MLIP: variants seen among roughly 807,000 people sequenced by gnomAD.
MLIP encodes the protein muscular LMNA-interacting protein.
In MLIP, 79 loss-of-function variants were observed where a neutral mutation model predicts 84.8. The ratio of observed to expected loss-of-function variants is 0.93; its 90% CI spans 0.78 to 1.12. MLIP has a LOEUF of 1.12. Among genes scored for constraint, MLIP ranks in the 50% most tolerant of loss-of-function variants. The pLI, the probability that MLIP is intolerant of heterozygous loss-of-function variation, is 0.00. For synonymous variants in MLIP, 504 were observed against 463.0 expected, an observed-to-expected ratio of 1.09 and a Z score of -1.14; for missense variants, 1,257 against 1,160.6, an observed-to-expected ratio of 1.08 and a Z score of -1.21.
At chr6:54,259,353 G>A (rs948041853) in intron 13 of MLIP, among the ~76,000 whole-genome samples, 1 of 151,782 alleles carries the variant, frequency 6.6e-6, no homozygotes, top group Non-Finnish European at 1.5e-5. Flanking sequence ...ATAAAAAATA[G>A]GAAACTTTGT....
At chr6:54,203,976 C>G (rs1251683002) in intron 11 of MLIP, among the ~76,000 whole-genome samples, 1 of 152,202 alleles carries the variant, frequency 6.6e-6, no homozygotes, top group Non-Finnish European at 1.5e-5. Context: ...TACTTAAAAT[C>G]TATGATTAAC....
rs565233166 is a variant in MLIP, at chr6:54,122,701, C to A, written c.252+1099C>A. The stretch of plus-strand genomic sequence containing the variant: ...GCACTTCTAGATAGTTTCTTTCCTA[C>A]AGCACTCATTTACATAATATTAATG... On this transcript the variant is annotated intron_variant, in intron 2 of 13. Coordinates refer to ENST00000502396, the MANE Select transcript of MLIP (RefSeq NM_001281747.2). 1.2e-4 allele frequency among the ~76,000 whole-genome samples: 19 copies of A among 152,264 alleles called. No individual in the cohort carries two copies. The South Asian group carries it at 3.7e-3, about 30-fold the overall frequency.
At chr6:54,061,082 C>G (rs1765938865) in intron 1 of MLIP, among the ~76,000 whole-genome samples, 1 of 151,422 alleles carries the variant, frequency 6.6e-6, no homozygotes, top group South Asian at 2.1e-4. Flanking sequence ...TACAAAAACT[C>G]CAAAGGGGTT....
At chr6:54,182,208 C>G (rs1272136744) in intron 9 of MLIP, among the ~76,000 whole-genome samples, 5 of 152,162 alleles carry the variant, frequency 3.3e-5, no homozygotes, top group Non-Finnish European at 7.3e-5. Context: ...TGGGCAGTTC[C>G]CCTCTGTATA....
intron 1 of MLIP, among the ~76,000 whole-genome samples, chr6:54,035,543 A>T (rs9464016): frequency 6.6e-6 from 1 of 152,006 alleles, no homozygotes; most frequent in Admixed American, 6.6e-5. Context: ...GGAATTGTCA[A>T]ATTATTTTTC....
intron 1 of MLIP, among the ~76,000 whole-genome samples, chr6:54,112,066 A>G (rs1216599991): frequency 3.3e-5 from 5 of 152,230 alleles, no homozygotes; most frequent in Admixed American, 6.5e-5. Flanking sequence ...CTTTTATCTC[A>G]TATTTCTATG....
At chr6:54,087,113 C>T (rs999775330) in intron 1 of MLIP, among the ~76,000 whole-genome samples, 1 of 152,170 alleles carries the variant, frequency 6.6e-6, no homozygotes, top group Non-Finnish European at 1.5e-5. Flanking sequence ...CTAGCCAGTG[C>T]TCAGTCAAGA....
At chr6:54,037,945 T>C (rs528819600) in intron 1 of MLIP, among the ~76,000 whole-genome samples, 11 of 152,136 alleles carry the variant, frequency 7.2e-5, no homozygotes, top group South Asian at 4.1e-4. Context: ...CTACTGATGA[T>C]ATTTTTGTGA....
chr6:54,256,735 A>G (rs923167390), intron 12 of MLIP, among the ~76,000 whole-genome samples: 2 of 152,146 alleles, frequency 1.3e-5, no homozygotes, highest in African/African-American at 2.4e-5. Flanking sequence ...AAGTGTCTCT[A>G]TGATATAAAT....
In MLIP at chr6:54,172,719, GA is replaced by G. The variant is rs531032095; in HGVS notation, c.2544+3154del. Reference sequence around the variant, plus strand: ...ACTGACTTCTCTGGAAAAAAAAAAAGAAAAAAATAAACAAAGAAAATCAACT... The same window carrying G: ...ACTGACTTCTCTGGAAAAAAAAAAAGAAAAAATAAACAAAGAAAATCAACT... On this transcript the variant is annotated intron_variant, in intron 9 of 13. Coordinates refer to ENST00000502396, the MANE Select transcript of MLIP (RefSeq NM_001281747.2). 3.8e-4 allele frequency among the ~76,000 whole-genome samples: 57 copies of G among 149,696 alleles called. No homozygotes were observed. The East Asian group carries it at 4.1e-3, about 11-fold the overall frequency.
At chr6:54,037,222 A>G (rs1254164115) in intron 1 of MLIP, among the ~76,000 whole-genome samples, 3 of 151,950 alleles carry the variant, frequency 2.0e-5, no homozygotes, top group Non-Finnish European at 4.4e-5. Context: ...CAGTGTCTCT[A>G]CAACCCTAAG....
intron 11 of MLIP, among the ~76,000 whole-genome samples, chr6:54,210,188 C>G (rs1230037732): frequency 6.6e-6 from 1 of 152,286 alleles, no homozygotes; most frequent in African/African-American, 2.4e-5. Flanking sequence ...AGCTGCTTGT[C>G]TGCAGCAGGA....
intron 1 of MLIP, among the ~76,000 whole-genome samples, chr6:54,086,881 AT>A (rs1767530815): frequency 6.6e-6 from 1 of 152,126 alleles, no homozygotes; most frequent in Non-Finnish European, 1.5e-5. Flanking sequence ...TGTCCAACCT[AT>A]TGAAATCTAT....
chr6:54,219,912 ATTT>A (rs1780111621), intron 11 of MLIP, among the ~76,000 whole-genome samples: 1 of 152,278 alleles, frequency 6.6e-6, no homozygotes, highest in Non-Finnish European at 1.5e-5. Flanking sequence ...ACGATTTATC[ATTT>A]TTAACTATTT....
At position 54,078,723 on chromosome 6, in the gene MLIP, C is replaced by T. The variant is rs79364186; in HGVS notation, c.64-42724C>T. ...TTTTTTTTTTGAGATGGAGTCTCGG[C>T]TCTTGTCACCCAGGCTGGAGTGCAG... On this transcript the variant is annotated intron_variant, in intron 1 of 12. Coordinates refer to the MLIP transcript ENST00000274897. Among the ~76,000 whole-genome samples, 89 of 129,870 alleles carry T rather than the reference C, an allele frequency of 6.9e-4. No individual in the cohort carries two copies. In the East Asian group the frequency reaches 8.2e-3, roughly 12 times the overall value. The allele number at this position is 129,870 out of a possible 152,430, so 85.2% of individuals were successfully genotyped here.
At chr6:54,199,064 A>G (rs971015145) in intron 10 of MLIP, among the ~76,000 whole-genome samples, 1 of 152,166 alleles carries the variant, frequency 6.6e-6, no homozygotes, top group Admixed American at 6.6e-5. Context: ...GCAATGGCCA[A>G]AATCAAGGAT....
At chr6:54,200,045 A>G (rs994951454) in intron 10 of MLIP, among the ~76,000 whole-genome samples, 7 of 152,212 alleles carry the variant, frequency 4.6e-5, no homozygotes, top group African/African-American at 1.7e-4. Flanking sequence ...ATAAGAACTA[A>G]AGAGCATGAA....
chr6:54,198,613 C>A (rs1173098617), intron 10 of MLIP, among the ~76,000 whole-genome samples: 2 of 152,004 alleles, frequency 1.3e-5, no homozygotes, highest in Non-Finnish European at 2.9e-5. Flanking sequence ...GTGTCATTAC[C>A]CATTATTAAA....
At chr6:54,258,572 T>C (rs373501314) in intron 13 of MLIP, among the ~76,000 whole-genome samples, 2 of 151,978 alleles carry the variant, frequency 1.3e-5, no homozygotes, top group East Asian at 3.9e-4. Flanking sequence ...TCCTGGAAAA[T>C]TGTAGTAATT....
Sources: allele counts gnomAD v4.1 joint callset (sites outside exome capture counted in the v4.1 genomes callset), GRCh38; gene constraint gnomAD v4.1.1; transcripts MANE v1.5; gene names NCBI Gene and HGNC (gene_info 2026-07-23, HGNC 2026-07-21).